SMOC2: variants seen among roughly 807,000 people sequenced by gnomAD.
SMOC2 encodes SPARC-related modular calcium-binding protein 2.
Under a neutral mutation model 61.4 loss-of-function variants are expected in SMOC2, and 39 were observed. That is an observed-to-expected ratio of 0.64 (90% CI 0.49 to 0.83). The LOEUF (loss-of-function observed/expected upper bound fraction) is 0.83, where lower values mean the gene tolerates loss of function less well. Among genes scored for constraint, SMOC2 ranks in the 40% least tolerant of loss-of-function variants. The pLI is 0.00. For missense variants in SMOC2, 556 were observed against 592.9 expected (o/e 0.94, Z 0.65); for synonymous variants, 247 against 239.9 (o/e 1.03, Z -0.27).
chr6:168,581,418 G>A (rs930138177), intron 7 of SMOC2, among the ~76,000 whole-genome samples: 37 of 152,162 alleles, frequency 2.4e-4, no homozygotes, highest in African/African-American at 8.0e-4. Context: ...AAGGAGCTTC[G>A]CCCAGACCTG....
At chr6:168,536,257 C>A (rs1783731176) in intron 4 of SMOC2, among the ~76,000 whole-genome samples, 1 of 152,124 alleles carries the variant, frequency 6.6e-6, no homozygotes, top group Non-Finnish European at 1.5e-5. Context: ...CTAGGATGGT[C>A]AAGGGGCCAG....
At chr6:168,510,159 T>A (rs1782973449) in intron 2 of SMOC2, 73 bp downstream of exon 2, 1 of 1,483,456 alleles carries the variant, frequency 6.7e-7, no homozygotes, top group Non-Finnish European at 9.3e-7. Flanking sequence ...CATATTTTCA[T>A]ACTTGATAAC....
intron 8 of SMOC2, among the ~76,000 whole-genome samples, chr6:168,599,989 TCA>T (rs1263731985): frequency 1.3e-5 from 2 of 149,922 alleles, no homozygotes; most frequent in South Asian, 2.1e-4. Flanking sequence ...ACACACACAC[TCA>T]CACACAGTCT....
At chr6:168,442,179 C>A (rs1188694381) in intron 1 of SMOC2, among the ~76,000 whole-genome samples, 1 of 152,270 alleles carries the variant, frequency 6.6e-6, no homozygotes, top group Non-Finnish European at 1.5e-5. Context: ...GAACTGGAGG[C>A]AGGCGGCGGC....
intron 8 of SMOC2, 91 bp from the exon 9 acceptor site, chr6:168,608,066 G>A: frequency 8.4e-7 from 1 of 1,187,564 alleles, no homozygotes. Context: ...TGTATGCTAG[G>A]GTAGGACACT....
intron 2 of SMOC2, among the ~76,000 whole-genome samples, chr6:168,523,947 T>C (rs910488294): frequency 1.3e-5 from 2 of 152,208 alleles, no homozygotes; most frequent in African/African-American, 4.8e-5. Context: ...TTCAAAGCGA[T>C]TAAAAAGTTG....
At chr6:168,662,635 G>A (rs2115292577) in intron 11 of SMOC2, among the ~76,000 whole-genome samples, 1 of 152,350 alleles carries the variant, frequency 6.6e-6, no homozygotes, top group Non-Finnish European at 1.5e-5. Context: ...ATGTTTTAGA[G>A]GACTGCTGGT....
intron 7 of SMOC2, among the ~76,000 whole-genome samples, chr6:168,564,166 G>A (rs1784489638): frequency 6.6e-6 from 1 of 152,022 alleles, no homozygotes; most frequent in Non-Finnish European, 1.5e-5. Flanking sequence ...TTTCTTGAAG[G>A]CATTTGAGTT....
chr6:168,451,664 G>A (rs1781471314), intron 1 of SMOC2, among the ~76,000 whole-genome samples: 1 of 150,724 alleles, frequency 6.6e-6, no homozygotes, highest in East Asian at 1.9e-4. Flanking sequence ...CTAGGTTTTT[G>A]TAAACATCTT....
At chr6:168,466,720 C>T (rs1450617056) in intron 1 of SMOC2, among the ~76,000 whole-genome samples, 1 of 152,236 alleles carries the variant, frequency 6.6e-6, no homozygotes, top group African/African-American at 2.4e-5. Context: ...GAAGGGTGCA[C>T]CTGCAACATG....
chr6:168,514,963 T>C (rs1392041810), intron 2 of SMOC2, among the ~76,000 whole-genome samples: 1 of 152,204 alleles, frequency 6.6e-6, no homozygotes, highest in Non-Finnish European at 1.5e-5. Context: ...CCCTAGCATG[T>C]GACTTCGGAT....
At chr6:168,471,917 G>T (rs1317648560) in intron 1 of SMOC2, among the ~76,000 whole-genome samples, 14 of 152,184 alleles carry the variant, frequency 9.2e-5, no homozygotes, top group Admixed American at 5.9e-4. Flanking sequence ...TTGTTGACTT[G>T]TATAAGTTCT....
At position 168,598,922 on chromosome 6, in the gene SMOC2, C is replaced by T. The variant is rs1785402070; in HGVS notation, c.742C>T (p.Pro248Ser). ...PECAHGGLYKPVQCHPSTGYC... is the reference protein window; with the variant it reads ...PECAHGGLYKSVQCHPSTGYC... Reference sequence around the variant, plus strand: ...GTGTGCGCACGGCGGCCTCTACAAGCCAGTGCAGTGCCACCCCTCCACGGG... The same window carrying T: ...GTGTGCGCACGGCGGCCTCTACAAGTCAGTGCAGTGCCACCCCTCCACGGG... The change falls in exon 8 of 13, where the codon CCA becomes TCA. Residue 248 changes from proline to serine, a missense_variant. Physicochemically the swap from Pro to Ser is moderately conservative, Grantham distance 74. Transcript: ENST00000356284. 1.9e-6 allele frequency: 3 copies of T among 1,613,780 alleles called. No homozygotes were observed. Among genetic ancestry groups the T allele is most frequent in the Non-Finnish European group, 2.5e-6 (3 of 1,179,786 alleles).
At chr6:168,636,945 TTCCCTCCTCTTTCCTCCCTCC>T (rs1317883239) in intron 9 of SMOC2, among the ~76,000 whole-genome samples, 4 of 94,462 alleles carry the variant, frequency 4.2e-5, no homozygotes, top group Admixed American at 1.1e-4. Flanking sequence ...CACCTCCCTC[TTCCCTCCTCTTTCCTCCCTCC>T]TCCCTCCTGC....
At chr6:168,499,045 G>A (rs1002089675) in intron 1 of SMOC2, among the ~76,000 whole-genome samples, 78 of 134,500 alleles carry the variant, frequency 5.8e-4, no homozygotes, top group Non-Finnish European at 1.1e-3. Context: ...CACAGTCTCT[G>A]GGGGGACAGC....
Position 168,527,719 on chromosome 6 carries a change from G to C in SMOC2, c.455G>C (p.Arg152Pro). 6.4e-7 allele frequency: 1 copy of C among 1,550,644 alleles called. No individual in the cohort carries two copies. The highest frequency in any genetic ancestry group is 8.7e-7 in the Non-Finnish European group (1 of 1,146,446). The change falls in exon 4 of 13, where the codon CGG becomes CCG. Residue 152 changes from arginine to proline, a missense_variant. Arg to Pro is a moderately radical substitution (Grantham distance 103, BLOSUM62 -2). Transcript: ENST00000356284. ...SGTAVAHKTP[R>P]CPGSVNEKLP... Reference sequence around the variant, plus strand: ...ACTGCCGTGGCCCACAAGACGCCCCGGTGCCCGGGTAGGTCTGACGTGCCT... The same window carrying C: ...ACTGCCGTGGCCCACAAGACGCCCCCGTGCCCGGGTAGGTCTGACGTGCCT...
rs1399547291 is a variant in SMOC2, at chr6:168,495,641, C to T, written c.85-14274C>T. Among the ~76,000 whole-genome samples the T allele has an allele frequency of 3.3e-5, 5 of 152,224 alleles. No homozygotes were observed. The East Asian group carries it at 7.8e-4, about 24-fold the overall frequency. On this transcript the variant is annotated intron_variant, in intron 1 of 12. Transcript: ENST00000356284. ...TGACTCCTCCTGGGGAGCAGCGCTT[C>T]GCAAACACCTCAGGCCTGCGTCTGC...
intron 11 of SMOC2, 40 bp from the exon 12 acceptor site, chr6:168,664,034 G>T (rs780677988): frequency 6.5e-7 from 1 of 1,544,216 alleles, no homozygotes; most frequent in South Asian, 1.2e-5. Context: ...TAAATAATGA[G>T]TCTCTGATTT....
chr6:168,451,977 G>A (rs7747841), intron 1 of SMOC2, among the ~76,000 whole-genome samples: 7,382 of 152,238 alleles, frequency 0.048, 612 homozygotes, highest in African/African-American at 0.17. Flanking sequence ...TGGAAGAGGT[G>A]GAAGAGGTTG....
Sources: allele counts gnomAD v4.1 joint callset (sites outside exome capture counted in the v4.1 genomes callset), GRCh38; gene constraint gnomAD v4.1.1; transcripts MANE v1.5; gene names NCBI Gene and HGNC (gene_info 2026-07-23, HGNC 2026-07-21).